TRIP11: variants seen among roughly 807,000 people sequenced by gnomAD.
The protein encoded by TRIP11 is thyroid receptor-interacting protein 11.
TRIP11 carries 148 observed loss-of-function variants against 223.1 expected under a neutral mutation model. The ratio of observed to expected loss-of-function variants is 0.66; its 90% CI spans 0.58 to 0.76. The LOEUF (loss-of-function observed/expected upper bound fraction) is 0.76, where lower values mean the gene tolerates loss of function less well. Ranked by LOEUF, TRIP11 falls within the 30% of genes least tolerant of loss-of-function variation. TRIP11 has a pLI of 0.00. For synonymous variants in TRIP11, 762 were observed against 772.6 expected, an observed-to-expected ratio of 0.99 and a Z score of 0.23; for missense variants, 2,043 against 2,222.0, an observed-to-expected ratio of 0.92 and a Z score of 1.62.
intron 11 of TRIP11, 27 bp from the exon 12 acceptor site, chr14:92,000,135 T>C: frequency 6.2e-7 from 1 of 1,612,822 alleles, no homozygotes; most frequent in Non-Finnish European, 8.5e-7. Context: ...ATTTTAGCTT[T>C]AAAAAACACA....
chr14:92,013,253 C>A (rs993537851), intron 7 of TRIP11, among the ~76,000 whole-genome samples: 1 of 151,908 alleles, frequency 6.6e-6, no homozygotes, highest in Non-Finnish European at 1.5e-5. Context: ...AGCTACAGAG[C>A]GAGACTCTGT....
chr14:91,986,428 G>A (rs926424124), intron 16 of TRIP11, among the ~76,000 whole-genome samples: 2 of 152,108 alleles, frequency 1.3e-5, no homozygotes, highest in East Asian at 3.9e-4. Flanking sequence ...GCTCCAATAA[G>A]CATTTCATTT....
intron 18 of TRIP11, 96 bp downstream of exon 18, chr14:91,975,076 C>T (rs1345133560): frequency 8.8e-7 from 1 of 1,140,572 alleles, no homozygotes; most frequent in South Asian, 1.3e-5. Context: ...GAAAATTACA[C>T]TCAGTAAAAG....
chr14:92,005,965 C>G lies in TRIP11; in HGVS notation c.2011G>C (p.Val671Leu), dbSNP rs2056896395. The G allele has an allele frequency of 6.2e-7, 1 of 1,612,424 alleles. No individual in the cohort carries two copies. The highest frequency in any genetic ancestry group is 1.3e-5 in the African/African-American group (1 of 74,786). ...TTTTCCATTTTGACATCAAAAGCAA[C>G]TTTCTTTAAATTTTCATTGAGCTGT... The part of the protein sequence containing the change: ...LEQLNENLKK[V>L]AFDVKMENEK... The change falls in exon 11 of 21, where the codon GTT becomes CTT. Residue 671 changes from valine (V) to leucine (L), a missense_variant. Val to Leu is a conservative substitution (Grantham distance 32). Transcript: ENST00000267622.
Position 91,977,778 on chromosome 14 carries a change from C to T in TRIP11, c.5261-1589G>A, listed in dbSNP as rs766781122. On this transcript the variant is annotated intron_variant, in intron 16 of 20. Coordinates refer to ENST00000267622, the MANE Select transcript of TRIP11 (RefSeq NM_004239.4). ...CATTCTGCTCTGTACAATGCTTCTG[C>T]ACAATGCCCAAAATTCCGATTTATG... Among the ~76,000 whole-genome samples, 20 of 152,228 alleles carry T rather than the reference C, an allele frequency of 1.3e-4. No individual in the cohort carries two copies. In the Middle Eastern group the frequency reaches 0.014, roughly 104 times the overall value.
rs966705969 is a variant in TRIP11 at position 91,988,302 on chromosome 14, C to T, written c.5242G>A (p.Glu1748Lys). 2 of 1,612,464 alleles carry T rather than the reference C, an allele frequency of 1.2e-6. No individual in the cohort carries two copies. Among genetic ancestry groups the T allele is most frequent in the Admixed American group, 1.7e-5 (1 of 59,980 alleles). ...AACCTACTTTGTCTTTTAAGTTCTT[C>T]AATTTGTTCTTCTTTTACATCTAAC... ...EQLDVKEEQI[E>K]ELKRQNELRQ... The change falls in exon 16 of 21, where the codon GAA becomes AAA. Residue 1748 changes from glutamate to lysine, a missense_variant. Physicochemically the swap from Glu to Lys is moderately conservative, Grantham distance 56 (BLOSUM62 1). Transcript: ENST00000267622.
intron 2 of TRIP11, chr14:92,026,667 TG>T (rs1433022789): frequency 9.3e-7 from 1 of 1,081,076 alleles, no homozygotes; most frequent in African/African-American, 1.5e-5. Flanking sequence ...GAGACGCCCC[TG>T]CTGACGAGGA....
intron 17 of TRIP11, 49 bp downstream of exon 17, chr14:91,976,059 T>G: frequency 6.4e-7 from 1 of 1,565,098 alleles, no homozygotes; most frequent in African/African-American, 1.4e-5. Flanking sequence ...TTTTTAACCA[T>G]AAAAGTGATT....
In TRIP11 at chr14:91,966,075, G is replaced by A. The variant is rs1014105242; in HGVS notation, c.*3598C>T. The A allele has an allele frequency of 1.7e-5, 3 of 172,298 alleles. No homozygotes were observed. The highest frequency in any genetic ancestry group is 7.1e-5 in the African/African-American group (3 of 42,014). 10.7% of individuals were successfully genotyped at this position (172,298 alleles called of 1,614,324 possible). ...TTTATTTGGAGTATTTTTTTGCCTT[G>A]CAGTGCTCCTGAGAAATTCAAAAAT... On this transcript the variant is annotated 3_prime_UTR_variant, in exon 21 of 21. Coordinates refer to ENST00000267622, the MANE Select transcript of TRIP11 (RefSeq NM_004239.4).
chr14:92,039,360 TG>T (rs2057358109), intron 1 of TRIP11, among the ~76,000 whole-genome samples, 186 bp downstream of exon 1: 1 of 152,172 alleles, frequency 6.6e-6, no homozygotes, highest in African/African-American at 2.4e-5. Flanking sequence ...ACTCTTCCCC[TG>T]GCCCCCAGTG....
chr14:92,000,887 G>C (rs538382864), intron 11 of TRIP11, among the ~76,000 whole-genome samples: 1 of 148,994 alleles, frequency 6.7e-6, no homozygotes, highest in Non-Finnish European at 1.5e-5. Context: ...TTGAGACGGA[G>C]TCTTGCTCTG....
In TRIP11 at chr14:91,991,321, T is replaced by A. The variant is rs554776715; in HGVS notation, c.5160+2488A>T. On this transcript the variant is annotated intron_variant, in intron 15 of 20. Coordinates refer to ENST00000267622, the MANE Select transcript of TRIP11 (RefSeq NM_004239.4). ...CAGTTGCTGGCACCTTAATCTTGGA[T>A]TTCCCAGCTTCCAGAACCCATGAGC... Among the ~76,000 whole-genome samples the A allele has an allele frequency of 1.1e-4, 16 of 152,300 alleles. No individual in the cohort carries two copies. In the South Asian group the frequency reaches 3.1e-3, roughly 30 times the overall value.
Position 92,033,219 on chromosome 14 carries a change from T to C in TRIP11, c.174A>G (p.Glu58=). ...ELPDSRTKEI[E]AIHAILRSEN... is the part of the protein sequence containing the mutation. Reference sequence around the variant, plus strand: ...CTGATCTCAAGATTGCATGAATGGCTTCAATTTCCTTTGTCCTAGAATCAG... The same window carrying C: ...CTGATCTCAAGATTGCATGAATGGCCTCAATTTCCTTTGTCCTAGAATCAG... Residue 58 remains glutamate, a synonymous_variant, in exon 2 of 21, where the codon GAA becomes GAG. Transcript: ENST00000267622. 6.2e-7 allele frequency: 1 copy of C among 1,613,202 alleles called. No individual in the cohort carries two copies. Among genetic ancestry groups the C allele is most frequent in the Non-Finnish European group, 8.5e-7 (1 of 1,179,474 alleles).
chr14:91,972,785 T>C lies in TRIP11; in HGVS notation c.5651A>G (p.His1884Arg), dbSNP rs74071672. ...TGGTGAATCCAGAGGTTTCATATCA[T>C]GAACAGAAAGCTTTGGTGGTGGAAT... ...PSIPPPKLSV[H>R]DMKPLDSPGR... The change falls in exon 20 of 21, where the codon CAT becomes CGT. Residue 1884 changes from histidine to arginine, a missense_variant. Coordinates refer to ENST00000267622, the MANE Select transcript of TRIP11 (RefSeq NM_004239.4). The C allele has an allele frequency of 1.6e-3, 2,624 of 1,613,450 alleles. 25 individuals carry two copies. The African/African-American group carries it at 0.031, about 19-fold the overall frequency.
intron 4 of TRIP11, among the ~76,000 whole-genome samples, chr14:92,018,830 G>A (rs1375139862): frequency 2.6e-5 from 4 of 151,444 alleles, no homozygotes; most frequent in East Asian, 1.9e-4. Context: ...GAGTGGTGGC[G>A]GGTGCCCGTA....
intron 8 of TRIP11, among the ~76,000 whole-genome samples, chr14:92,011,524 T>C (rs1249190546): frequency 7.1e-6 from 1 of 141,040 alleles, no homozygotes; most frequent in African/African-American, 2.6e-5. Flanking sequence ...GCAACACTTA[T>C]AAAAGTGTCT....
intron 17 of TRIP11, 101 bp downstream of exon 17, chr14:91,976,007 G>T: frequency 8.5e-7 from 1 of 1,175,136 alleles, no homozygotes; most frequent in Non-Finnish European, 1.2e-6. Context: ...AAAGGCTTTT[G>T]AAAAATTTAA....
At chr14:92,016,243 C>G (rs2140131875) in intron 5 of TRIP11, among the ~76,000 whole-genome samples, 1 of 152,332 alleles carries the variant, frequency 6.6e-6, no homozygotes, top group South Asian at 2.1e-4. Flanking sequence ...TCCATCCTCT[C>G]ACTCAGCCTT....
chr14:91,992,654 A>G (rs1209414858), intron 15 of TRIP11, among the ~76,000 whole-genome samples: 3 of 152,108 alleles, frequency 2.0e-5, no homozygotes, highest in African/African-American at 7.2e-5. Flanking sequence ...CATGGTGGGT[A>G]ATCCCAGCAC....
Sources: gnomAD v4.1 joint callset for allele counts (sites outside exome capture counted in the v4.1 genomes callset) on GRCh38, gnomAD v4.1.1 for gene constraint, MANE v1.5 for transcripts, NCBI Gene and HGNC (gene_info 2026-07-23, HGNC 2026-07-21) for gene names.